Variants in MGAT5 observed in about 807,000 individuals in gnomAD.
MGAT5 encodes the protein alpha-1,6-mannosylglycoprotein 6-beta-N-acetylglucosaminyltransferase A.
In MGAT5, 30 loss-of-function variants were observed where a neutral mutation model predicts 94.3. The ratio of observed to expected loss-of-function variants is 0.32; its 90% CI spans 0.24 to 0.43. The LOEUF (loss-of-function observed/expected upper bound fraction) is 0.43. Among genes scored for constraint, MGAT5 ranks in the 20% least tolerant of loss-of-function variants. The probability of loss-of-function intolerance (pLI) is 1.00; values close to 1 mark genes in which losing one functional copy is unlikely to be tolerated. For synonymous variants in MGAT5, 310 were observed against 322.9 expected (o/e 0.96, Z 0.43); for missense variants, 691 against 905.5 (o/e 0.76, Z 3.04).
intron 1 of MGAT5, among the ~76,000 whole-genome samples, chr2:134,171,791 G>C (rs1469849453): frequency 2.0e-5 from 3 of 152,190 alleles, no homozygotes; most frequent in Non-Finnish European, 2.9e-5. Flanking sequence ...GTTAAGCCAT[G>C]TAAGTACTAT....
chr2:134,247,060 G>A (rs1434095899), intron 1 of MGAT5, among the ~76,000 whole-genome samples: 1 of 152,182 alleles, frequency 6.6e-6, no homozygotes, highest in African/African-American at 2.4e-5. Flanking sequence ...TTGGTTCACG[G>A]TAGAAGCAGT....
intron 5 of MGAT5, among the ~76,000 whole-genome samples, chr2:134,337,583 T>A (rs1688404346): frequency 6.6e-6 from 1 of 152,196 alleles, no homozygotes. Flanking sequence ...AAATACTGGT[T>A]ATTATGTTTC....
intron 4 of MGAT5, among the ~76,000 whole-genome samples, chr2:134,333,400 C>G (rs1471415066): frequency 8.1e-6 from 1 of 123,374 alleles, no homozygotes; most frequent in Non-Finnish European, 1.6e-5. Flanking sequence ...CACATGGACA[C>G]AGGAAGGGGA....
At chr2:134,241,105 A>T (rs1271958353) in intron 1 of MGAT5, among the ~76,000 whole-genome samples, 1 of 152,232 alleles carries the variant, frequency 6.6e-6, no homozygotes, top group Non-Finnish European at 1.5e-5. Context: ...ATCCACCCTA[A>T]ATGTAATCTT....
Position 134,403,092 on chromosome 2 carries a change from T to C in MGAT5, c.1485T>C (p.Gly495=). The C allele has an allele frequency of 6.2e-7, 1 of 1,611,122 alleles. No homozygotes were observed. Among genetic ancestry groups the C allele is most frequent in the Non-Finnish European group, 8.5e-7 (1 of 1,179,466 alleles). Reference sequence around the variant, plus strand: ...TTCCCAGTTACGTGAAAAACCATGGTATCCTCAGTGGACGGGACCTGCAGT... The same window carrying C: ...TTCCCAGTTACGTGAAAAACCATGGCATCCTCAGTGGACGGGACCTGCAGT... ...KNIPSYVKNH[G]ILSGRDLQFL... Residue 495 remains glycine, a synonymous_variant, in exon 11 of 16, where the codon GGT becomes GGC. Transcript: ENST00000281923.
rs545953554 is a variant in MGAT5 at position 134,332,242 on chromosome 2, C to G, written c.574-3975C>G. On this transcript the variant is annotated intron_variant, in intron 4 of 15. Coordinates refer to ENST00000281923, the MANE Select transcript of MGAT5 (RefSeq NM_002410.5). ...ATGGTACTGGTACCAAAACAGAGAT[C>G]TAGATCAATGGAACAGAACAGAGCC... Among the ~76,000 whole-genome samples, 255 of 151,980 alleles carry G rather than the reference C, an allele frequency of 1.7e-3. 1 individual carries two copies. The highest frequency in any genetic ancestry group is 5.8e-3 in the African/African-American group (239 of 41,408).
chr2:134,398,396 C>CA lies in MGAT5; in HGVS notation c.1381-4591dup, dbSNP rs1385593335. ...GGGAGGACTACTGCTGCCTAAGACTCACAGATGTTCACCCTGGAGGAGCCA... is the reference window on the plus strand; with the variant it reads ...GGGAGGACTACTGCTGCCTAAGACTCAACAGATGTTCACCCTGGAGGAGCCA... On this transcript the variant is annotated intron_variant, in intron 10 of 15. Transcript: ENST00000281923. Among the ~76,000 whole-genome samples the CA allele has an allele frequency of 2.6e-5, 4 of 152,188 alleles. No individual in the cohort carries two copies. In the East Asian group the frequency reaches 7.7e-4, roughly 29 times the overall value.
intron 4 of MGAT5, among the ~76,000 whole-genome samples, chr2:134,332,331 A>C (rs528713346): frequency 6.6e-6 from 1 of 151,900 alleles, no homozygotes; most frequent in African/African-American, 2.4e-5. Context: ...AAAACAAGCA[A>C]TGGGGAAAGG....
intron 2 of MGAT5, among the ~76,000 whole-genome samples, chr2:134,298,770 A>G (rs1328666269): frequency 6.6e-6 from 1 of 152,132 alleles, no homozygotes; most frequent in Non-Finnish European, 1.5e-5. Flanking sequence ...GAGGTAGTTC[A>G]TAATGGTGAT....
intron 1 of MGAT5, among the ~76,000 whole-genome samples, chr2:134,226,900 T>C (rs769356669): frequency 4.0e-5 from 6 of 151,692 alleles, no homozygotes; most frequent in Non-Finnish European, 5.9e-5. Flanking sequence ...TGGAAAGCCA[T>C]GCCCCAATTC....
chr2:134,367,973 T>G (rs1344120265), intron 10 of MGAT5, among the ~76,000 whole-genome samples: 1 of 152,354 alleles, frequency 6.6e-6, no homozygotes. Context: ...ATTATCTTCC[T>G]TAACCATCCT....
intron 2 of MGAT5, among the ~76,000 whole-genome samples, chr2:134,312,357 G>C (rs1686728529): frequency 6.6e-6 from 1 of 152,172 alleles, no homozygotes; most frequent in African/African-American, 2.4e-5. Flanking sequence ...CCTTCTCCCA[G>C]CATCAGGAAT....
In MGAT5 at chr2:134,263,659, G is replaced by A. The variant is rs574387051; in HGVS notation, c.242-6727G>A. Reference sequence around the variant, plus strand: ...GAGATAAGGCAGTAAGGGTCACTAAGATGTTTCTGGTGGGTATTGCCTTAC... The same window carrying A: ...GAGATAAGGCAGTAAGGGTCACTAAAATGTTTCTGGTGGGTATTGCCTTAC... On this transcript the variant is annotated intron_variant, in intron 1 of 15. Coordinates refer to ENST00000281923, the MANE Select transcript of MGAT5 (RefSeq NM_002410.5). Among the ~76,000 whole-genome samples the A allele has an allele frequency of 2.6e-5, 4 of 152,326 alleles. No individual in the cohort carries two copies. In the South Asian group the frequency reaches 8.3e-4, roughly 32 times the overall value.
At chr2:134,154,466 G>A (rs1292008060) in intron 1 of MGAT5, among the ~76,000 whole-genome samples, 1 of 152,222 alleles carries the variant, frequency 6.6e-6, no homozygotes, top group Non-Finnish European at 1.5e-5. Flanking sequence ...CCGTTTTGGG[G>A]AAGTCCTGAT....
At chr2:134,263,091 T>C (rs1683441937) in intron 1 of MGAT5, among the ~76,000 whole-genome samples, 1 of 152,194 alleles carries the variant, frequency 6.6e-6, no homozygotes, top group Non-Finnish European at 1.5e-5. Context: ...AGCAGTAGTG[T>C]GCGAGGCCAC....
At position 134,214,441 on chromosome 2, in the gene MGAT5, C is replaced by T. The variant is rs187568630; in HGVS notation, c.-142-39821C>T. On this transcript the variant is annotated intron_variant, in intron 1 of 16. Transcript: ENST00000409645. Reference sequence around the variant, plus strand: ...TTGGGCCACACATAAAATACACTAACGATAGTTGATGAGCTACAAAAATTG... The same window carrying T: ...TTGGGCCACACATAAAATACACTAATGATAGTTGATGAGCTACAAAAATTG... 7.9e-5 allele frequency among the ~76,000 whole-genome samples: 12 copies of T among 152,282 alleles called. 1 individual carries two copies. In the South Asian group the frequency reaches 1.5e-3, roughly 18 times the overall value.
intron 1 of MGAT5, among the ~76,000 whole-genome samples, chr2:134,243,447 T>G (rs1682073726): frequency 6.6e-6 from 1 of 152,184 alleles, no homozygotes; most frequent in Admixed American, 6.5e-5. Flanking sequence ...CCAAGTTATT[T>G]GCAGTGTTTG....
chr2:134,365,585 T>G lies in MGAT5; in HGVS notation c.1380+3177T>G, dbSNP rs1315905706. On this transcript the variant is annotated intron_variant, in intron 10 of 15. Coordinates refer to ENST00000281923, the MANE Select transcript of MGAT5 (RefSeq NM_002410.5). ...GGAGAGGGTGCTGTTGAGAGGATAA[T>G]GCATTCCTCCACAAGGAGAGGCACC... Among the ~76,000 whole-genome samples the G allele has an allele frequency of 2.0e-5, 3 of 152,156 alleles. No individual in the cohort carries two copies. In the East Asian group the frequency reaches 5.8e-4, roughly 30 times the overall value.
chr2:134,158,840 T>G (rs1212301664), intron 1 of MGAT5, among the ~76,000 whole-genome samples: 1 of 152,210 alleles, frequency 6.6e-6, no homozygotes, highest in African/African-American at 2.4e-5. Context: ...TCTCTTCCCC[T>G]TTATCTGCCC....
Sources: allele counts gnomAD v4.1 joint callset (sites outside exome capture counted in the v4.1 genomes callset), GRCh38; gene constraint gnomAD v4.1.1; transcripts MANE v1.5; gene names NCBI Gene and HGNC (gene_info 2026-07-23, HGNC 2026-07-21).